The following SLCO5A1 variants were observed in gnomAD, a reference collection of about 807,000 sequenced individuals.
The protein encoded by SLCO5A1 is organic anion transporter polypeptide-related protein 4.
A neutral mutation model predicts 65.1 loss-of-function variants in SLCO5A1; 39 were observed. The ratio of observed to expected loss-of-function variants is 0.60; its 90% CI spans 0.46 to 0.78. SLCO5A1 has a LOEUF of 0.78. Among genes scored for constraint, SLCO5A1 ranks in the 30% least tolerant of loss-of-function variants. The pLI is 0.00. For synonymous variants in SLCO5A1, 438 were observed against 415.7 expected (o/e 1.05, Z -0.65); for missense variants, 1,029 against 1,069.4 (o/e 0.96, Z 0.53).
At chr8:69,721,483 A>G (rs1016372031) in intron 5 of SLCO5A1, among the ~76,000 whole-genome samples, 7 of 152,232 alleles carry the variant, frequency 4.6e-5, no homozygotes, top group African/African-American at 1.7e-4. Context: ...TTGGCTAATT[A>G]ATGCCAGAGC....
At chr8:69,695,694 G>A (rs11990100) in intron 6 of SLCO5A1, among the ~76,000 whole-genome samples, 11,248 of 152,054 alleles carry the variant, frequency 0.074, 417 homozygotes, top group East Asian at 0.086. Flanking sequence ...TTTTATATAT[G>A]AGAAACCCAA....
Position 69,775,751 on chromosome 8 carries a change from T to C in SLCO5A1, c.908-13876A>G, listed in dbSNP as rs147194872. On this transcript the variant is annotated intron_variant, in intron 2 of 9. Coordinates refer to ENST00000260126, the MANE Select transcript of SLCO5A1 (RefSeq NM_030958.3). ...AGCTGCAGCTGGACACAGTGGCTCA[T>C]GCTTATAATCCTAGCACTTTGGGAG... is the stretch of plus-strand genomic sequence containing the variant. Among the ~76,000 whole-genome samples, 242 of 152,252 alleles carry C rather than the reference T, an allele frequency of 1.6e-3. 3 individuals are homozygous for C. The East Asian group carries it at 0.04, about 25-fold the overall frequency.
intron 5 of SLCO5A1, among the ~76,000 whole-genome samples, chr8:69,723,206 T>C (rs560266892): frequency 6.6e-6 from 1 of 152,350 alleles, no homozygotes; most frequent in African/African-American, 2.4e-5. Context: ...AATTTTAATG[T>C]TGTGCATGAT....
intron 2 of SLCO5A1, among the ~76,000 whole-genome samples, chr8:69,800,989 GATA>G (rs2130902918): frequency 6.6e-6 from 1 of 152,276 alleles, no homozygotes; most frequent in South Asian, 2.1e-4. Flanking sequence ...CTTGTGAACA[GATA>G]ATAATGGAAC....
intron 6 of SLCO5A1, among the ~76,000 whole-genome samples, chr8:69,696,231 G>A (rs1409892428): frequency 6.6e-6 from 1 of 152,150 alleles, no homozygotes; most frequent in African/African-American, 2.4e-5. Context: ...TCCCTTCTGA[G>A]AACACACTTG....
At chr8:69,815,248 A>T (rs557801113) in intron 2 of SLCO5A1, among the ~76,000 whole-genome samples, 2 of 152,302 alleles carry the variant, frequency 1.3e-5, no homozygotes, top group Non-Finnish European at 2.9e-5. Flanking sequence ...TCATAACATC[A>T]CTTTGTACCC....
chr8:69,681,913 A>C (rs1813794824), intron 7 of SLCO5A1, among the ~76,000 whole-genome samples: 2 of 152,146 alleles, frequency 1.3e-5, no homozygotes, highest in Non-Finnish European at 2.9e-5. Flanking sequence ...CAACCTTATC[A>C]AGTTTCACTG....
chr8:69,826,933 G>A (rs945449851), intron 2 of SLCO5A1, among the ~76,000 whole-genome samples: 2 of 152,016 alleles, frequency 1.3e-5, no homozygotes, highest in Non-Finnish European at 2.9e-5. Flanking sequence ...TTAAGAAAAC[G>A]TGGCACATAT....
intron 2 of SLCO5A1, among the ~76,000 whole-genome samples, chr8:69,762,247 C>G (rs901037516): frequency 6.6e-6 from 1 of 150,610 alleles, no homozygotes. Context: ...AGTGCAGTGG[C>G]GTGATCTCAG....
At chr8:69,777,980 AGAGAGAG>A (rs1818630228) in intron 2 of SLCO5A1, among the ~76,000 whole-genome samples, 1 of 152,214 alleles carries the variant, frequency 6.6e-6, no homozygotes, top group Non-Finnish European at 1.5e-5. Flanking sequence ...AGATATTTTG[AGAGAGAG>A]ACCACATTCA....
intron 2 of SLCO5A1, among the ~76,000 whole-genome samples, chr8:69,786,312 T>C (rs1204581631): frequency 6.6e-6 from 1 of 152,228 alleles, no homozygotes; most frequent in East Asian, 1.9e-4. Context: ...TTGTCAATGA[T>C]ACAGATTTAT....
intron 6 of SLCO5A1, among the ~76,000 whole-genome samples, chr8:69,692,519 T>A (rs959482389): frequency 6.6e-6 from 1 of 152,266 alleles, no homozygotes; most frequent in East Asian, 1.9e-4. Flanking sequence ...TTATACACTT[T>A]GTAATTATTT....
chr8:69,773,357 T>C (rs112690952), intron 2 of SLCO5A1, among the ~76,000 whole-genome samples: 3 of 152,322 alleles, frequency 2.0e-5, no homozygotes, highest in African/African-American at 7.2e-5. Flanking sequence ...CACTGTGCTA[T>C]TGAGGGCAGG....
In SLCO5A1 at chr8:69,673,276, T is replaced by G. The variant is rs1465848862; in HGVS notation, c.2140A>C (p.Met714Leu). Residue 714 changes from methionine to leucine, a missense_variant, in exon 10 of 10, where the codon ATG becomes CTG. This residue lies in a region of SLCO5A1 where 258 missense variants were observed against 237.4 expected (regional missense o/e 1.09). Transcript: ENST00000260126. ...YFGAVIDTTCMLWQQECGVQG... is the reference protein window; with the variant it reads ...YFGAVIDTTCLLWQQECGVQG... ...ACACCACATTCCTGTTGCCAGAGCA[T>G]GCAGGTGGTGTCAATGACTGCTCCA... 1.2e-6 allele frequency: 2 copies of G among 1,614,236 alleles called. No homozygotes were observed. The highest frequency in any genetic ancestry group is 3.3e-5 in the Admixed American group (2 of 60,034).
At position 69,773,387 on chromosome 8, in the gene SLCO5A1, G is replaced by C. The variant is rs116771700; in HGVS notation, c.908-11512C>G. Among the ~76,000 whole-genome samples the C allele has an allele frequency of 7.4e-3, 1,129 of 152,308 alleles. 14 individuals carry two copies. Among genetic ancestry groups the C allele is most frequent in the African/African-American group, 0.026 (1,074 of 41,562 alleles). ...GGCAGGCTCCAGCATCTAGAATGGG[G>C]AGTCCAGGCGCTCATCCTCGGGTCT... On this transcript the variant is annotated intron_variant, in intron 2 of 9. Transcript: ENST00000260126.
At chr8:69,811,665 G>C (rs943211522) in intron 2 of SLCO5A1, among the ~76,000 whole-genome samples, 2 of 152,216 alleles carry the variant, frequency 1.3e-5, no homozygotes, top group Non-Finnish European at 2.9e-5. Flanking sequence ...AAGAAGAGCT[G>C]TACCCTGCCC....
At chr8:69,749,612 C>T (rs1817193730) in intron 4 of SLCO5A1, among the ~76,000 whole-genome samples, 1 of 150,200 alleles carries the variant, frequency 6.7e-6, no homozygotes, top group Admixed American at 6.7e-5. Flanking sequence ...TGAGACAAAG[C>T]AAGACAGTCT....
At chr8:69,808,994 C>T (rs1161567213) in intron 2 of SLCO5A1, among the ~76,000 whole-genome samples, 1 of 152,054 alleles carries the variant, frequency 6.6e-6, no homozygotes. Context: ...ATCCCAGCTA[C>T]TCGGGAGGCT....
At chr8:69,708,293 T>C (rs1372710865) in intron 5 of SLCO5A1, among the ~76,000 whole-genome samples, 1 of 152,180 alleles carries the variant, frequency 6.6e-6, no homozygotes, top group African/African-American at 2.4e-5. Flanking sequence ...TCAGACTTCT[T>C]TGCCTCGTCA....
Sources: gnomAD v4.1 joint callset for allele counts (sites outside exome capture counted in the v4.1 genomes callset) on GRCh38, gnomAD v4.1.1 for gene constraint, gnomAD v4.1.1 regional missense constraint, MANE v1.5 for transcripts, NCBI Gene and HGNC (gene_info 2026-07-23, HGNC 2026-07-21) for gene names.